Variants in PIK3R6 observed in about 807,000 individuals in gnomAD.
The protein encoded by PIK3R6 is phosphoinositide 3-kinase regulatory subunit 6.
A neutral mutation model predicts 84.9 loss-of-function variants in PIK3R6; 91 were observed. That is an observed-to-expected ratio of 1.07 (90% CI 0.90 to 1.28). PIK3R6 has a LOEUF of 1.28. Among genes scored for constraint, PIK3R6 ranks in the 50% most tolerant of loss-of-function variants. PIK3R6 has a pLI of 0.00. For missense variants in PIK3R6, 996 were observed against 985.1 expected (o/e 1.01, Z -0.15); for synonymous variants, 416 against 411.4 (o/e 1.01, Z -0.13).
intron 18 of PIK3R6, among the ~76,000 whole-genome samples, chr17:8,812,825 T>G (rs991786092): frequency 6.6e-6 from 1 of 152,090 alleles, no homozygotes; most frequent in Non-Finnish European, 1.5e-5. Context: ...AATAACCTAA[T>G]GTTGCATGTC....
intron 1 of PIK3R6, among the ~76,000 whole-genome samples, chr17:8,864,603 T>A (rs2089363111): frequency 7.6e-6 from 1 of 130,738 alleles, no homozygotes; most frequent in South Asian, 2.8e-4. Context: ...AGTGGCGCAA[T>A]CTCGTCTCAC....
intron 2 of PIK3R6, among the ~76,000 whole-genome samples, chr17:8,841,928 A>G (rs541157081): frequency 1.3e-5 from 2 of 152,302 alleles, no homozygotes; most frequent in South Asian, 2.1e-4. Context: ...TGTTAGGGTC[A>G]TGGTGGTGGA....
intron 10 of PIK3R6, among the ~76,000 whole-genome samples, chr17:8,829,257 A>G (rs1433624427): frequency 7.0e-6 from 1 of 143,414 alleles, no homozygotes; most frequent in Admixed American, 6.9e-5. Context: ...ATGCACGCAT[A>G]CACACACAGA....
In PIK3R6 at chr17:8,844,682, A is replaced by C. The variant is rs1169269346; in HGVS notation, c.14-4985T>G. On this transcript the variant is annotated intron_variant, in intron 2 of 19. Transcript: ENST00000619866. The surrounding 1 kb of genome is among the most constrained non-coding windows in gnomAD (Gnocchi z 4.5). The stretch of plus-strand genomic sequence containing the variant: ...GTACATGTGCAGGTTTGTTACCCGG[A>C]TATATTGCTTGATGCTGAGGTTTGT... 6.6e-6 allele frequency among the ~76,000 whole-genome samples: 1 copy of C among 151,776 alleles called. No homozygotes were observed. The highest frequency in any genetic ancestry group is 2.4e-5 in the African/African-American group (1 of 41,308).
chr17:8,830,721 C>G (rs144771853), intron 9 of PIK3R6, among the ~76,000 whole-genome samples: 1 of 152,174 alleles, frequency 6.6e-6, no homozygotes, highest in Non-Finnish European at 1.5e-5. Context: ...AGTACAGTGA[C>G]GACTTGAGCC....
chr17:8,803,916 C>A lies in PIK3R6; in HGVS notation c.2108+125G>T. 1.2e-6 allele frequency: 1 copy of A among 818,560 alleles called. No homozygotes were observed. The highest frequency in any genetic ancestry group is 1.6e-5 in the South Asian group (1 of 61,034). 50.7% of individuals were successfully genotyped at this position (818,560 alleles called of 1,614,324 possible). A position where few individuals can be genotyped will look rare whatever the true frequency, so the allele number is the denominator to read the frequency against. On this transcript the variant is annotated intron_variant, in intron 19 of 19. Coordinates refer to ENST00000619866, the MANE Select transcript of PIK3R6 (RefSeq NM_001010855.4). The surrounding 1 kb of genome is among the most constrained non-coding windows in gnomAD (Gnocchi z 5.0). ...TGTCCATCCTCACCAAGGTTACCTG[C>A]CTGGCCACAGGATCTACCTCCGATG...
chr17:8,863,177 T>C (rs189762335), intron 1 of PIK3R6, among the ~76,000 whole-genome samples: 32 of 152,254 alleles, frequency 2.1e-4, no homozygotes, highest in African/African-American at 7.0e-4. Context: ...TAGATATAGA[T>C]ACATGGATAT....
chr17:8,838,533 C>T lies in PIK3R6; in HGVS notation c.189+31G>A, dbSNP rs1366146888. 9 of 1,562,670 alleles carry T rather than the reference C, an allele frequency of 5.8e-6. No individual in the cohort carries two copies. In the African/African-American group the frequency reaches 1.2e-4, roughly 21 times the overall value. ...ATTGGCCCCTCTCTTCCTTTCATCC[C>T]CGTCTTCCTCCCTGAGGTCCAGGAA... On this transcript the variant is annotated intron_variant, in intron 4 of 19. Transcript: ENST00000619866.
chr17:8,836,942 G>C lies in PIK3R6; in HGVS notation c.259-19C>G. 1.3e-6 allele frequency: 2 copies of C among 1,539,328 alleles called. No homozygotes were observed. The highest frequency in any genetic ancestry group is 2.8e-5 in the African/African-American group (2 of 72,674). On this transcript the variant is annotated intron_variant, in intron 5 of 19. Coordinates refer to ENST00000619866, the MANE Select transcript of PIK3R6 (RefSeq NM_001010855.4). ...CTGTGGCCTGGGTGAGAGGGAGGAG[G>C]GGGAGGTGAGAGGGAGGAGGTGGAG...
chr17:8,843,947 G>T (rs908031587), intron 2 of PIK3R6, among the ~76,000 whole-genome samples: 3 of 152,154 alleles, frequency 2.0e-5, no homozygotes, highest in Non-Finnish European at 4.4e-5. Context: ...CTAAAAAGGT[G>T]CAGAAGAAGG....
At position 8,812,204 on chromosome 17, in the gene PIK3R6, CA is replaced by C. The variant is rs563748361; in HGVS notation, c.1995+6878del. Among the ~76,000 whole-genome samples the C allele has an allele frequency of 5.0e-4, 76 of 152,322 alleles. 3 individuals are homozygous for C. The South Asian group carries it at 0.016, about 31-fold the overall frequency. Reference sequence around the variant, plus strand: ...ACAGGAAAGACCTACCCCCATGATTCAATTACCTCCAACTGGGTCCCTCCCA... The same window carrying C: ...ACAGGAAAGACCTACCCCCATGATTCATTACCTCCAACTGGGTCCCTCCCA... On this transcript the variant is annotated intron_variant, in intron 18 of 19. Transcript: ENST00000619866.
rs1466814771 is a variant in PIK3R6 at position 8,807,965 on chromosome 17, C to T, written c.1996-3812G>A. Among the ~76,000 whole-genome samples the T allele has an allele frequency of 2.6e-5, 4 of 152,096 alleles. No individual in the cohort carries two copies. In the East Asian group the frequency reaches 5.8e-4, roughly 22 times the overall value. On this transcript the variant is annotated intron_variant, in intron 18 of 19. Coordinates refer to ENST00000619866, the MANE Select transcript of PIK3R6 (RefSeq NM_001010855.4). Reference sequence around the variant, plus strand: ...TTTCCTGGTGTTAGCACTTAAAGTCCCAAGTCCAAGAAACCCCTTTAGTCC... The same window carrying T: ...TTTCCTGGTGTTAGCACTTAAAGTCTCAAGTCCAAGAAACCCCTTTAGTCC...
chr17:8,827,229 C>A lies in PIK3R6; in HGVS notation c.1458G>T (p.Pro486=). The A allele has an allele frequency of 1.3e-6, 2 of 1,599,840 alleles. No homozygotes were observed. Among genetic ancestry groups the A allele is most frequent in the Non-Finnish European group, 1.7e-6 (2 of 1,173,510 alleles). The part of the protein sequence containing the change: ...ELATFLGRVD[P]WYQSNVNTLC... ...GCGTGTTGACGTTGCTCTGGTACCA[C>A]GGGTCTACGCGGCCCAGGAACGTAG... is the stretch of plus-strand genomic sequence containing the variant. The change falls in exon 13 of 20, where the codon CCG becomes CCT. Residue 486 remains proline (P), a synonymous_variant. Coordinates refer to ENST00000619866, the MANE Select transcript of PIK3R6 (RefSeq NM_001010855.4).
Position 8,821,915 on chromosome 17 carries a change from G to T in PIK3R6, c.1810C>A (p.Arg604=). ...YQKALLSHRP[R]EVTVSLRATG... ...GCCCGCAGGGAAACGGTGACCTCTC[G>T]GGGCCGGTGGCTAAGCAAGGCCTGA... Residue 604 remains arginine, a synonymous_variant, in exon 17 of 20, where the codon CGA becomes AGA. Coordinates refer to ENST00000619866, the MANE Select transcript of PIK3R6 (RefSeq NM_001010855.4). The T allele has an allele frequency of 6.3e-7, 1 of 1,587,612 alleles. No homozygotes were observed. Among genetic ancestry groups the T allele is most frequent in the East Asian group, 2.3e-5 (1 of 43,640 alleles).
intron 5 of PIK3R6, among the ~76,000 whole-genome samples, chr17:8,837,168 T>C (rs2088502574): frequency 6.6e-6 from 1 of 152,146 alleles, no homozygotes; most frequent in South Asian, 2.1e-4. Flanking sequence ...AAAAATTCAT[T>C]GCATCAAGTT....
Position 8,833,060 on chromosome 17 carries a change from C to T in PIK3R6, c.646-15G>A. 3 of 1,560,598 alleles carry T rather than the reference C, an allele frequency of 1.9e-6. No homozygotes were observed. The highest frequency in any genetic ancestry group is 1.9e-5 in the Admixed American group (1 of 52,870). On this transcript the variant is annotated splice_polypyrimidine_tract_variant and intron_variant, in intron 8 of 19. Transcript: ENST00000619866. Reference sequence around the variant, plus strand: ...CGAGGGCTGGCCTGTTGGGGAGGGGCGTCAGAGCCTGGGTCTTGGCCCAGC... The same window carrying T: ...CGAGGGCTGGCCTGTTGGGGAGGGGTGTCAGAGCCTGGGTCTTGGCCCAGC...
chr17:8,847,067 T>C (rs2088831136), intron 2 of PIK3R6, among the ~76,000 whole-genome samples: 1 of 152,202 alleles, frequency 6.6e-6, no homozygotes, highest in Non-Finnish European at 1.5e-5. Flanking sequence ...CAGCTACTAT[T>C]CTCTGACTGA....
Position 8,829,789 on chromosome 17 carries a change from T to G in PIK3R6, c.806A>C (p.Asp269Ala). 1 of 1,550,534 alleles carries G rather than the reference T, an allele frequency of 6.4e-7. No homozygotes were observed. Among genetic ancestry groups the G allele is most frequent in the Non-Finnish European group, 8.7e-7 (1 of 1,146,706 alleles). Residue 269 changes from aspartate (D) to alanine (A), a missense_variant, in exon 10 of 20, where the codon GAC (aspartate) becomes GCC (alanine). Asp to Ala is a moderately radical substitution (Grantham distance 126). Transcript: ENST00000619866. ...GCTTGGTGGCCGCTCTTGGACAAGG[T>G]CACCTGCAGAAAGGAGCAGGCTGTG... is the stretch of plus-strand genomic sequence containing the variant. ...LGPAAGRCGGDLVQERPPSIP... is the reference protein window; with the variant it reads ...LGPAAGRCGGALVQERPPSIP...
chr17:8,837,845 G>A lies in PIK3R6; in HGVS notation c.216C>T (p.Val72=). Residue 72 remains valine, a synonymous_variant, in exon 5 of 20, where the codon GTC becomes GTT. Transcript: ENST00000619866. ...EKAESQDLRH[V]IIPLLHTVMY... is the part of the protein sequence containing the mutation. ...TTACAGTGTGCAGCAAGGGAATGAT[G>A]ACATGCCGGAGGTCCTGGCTTTCCG... The A allele has an allele frequency of 6.2e-7, 1 of 1,613,970 alleles. No homozygotes were observed. Among genetic ancestry groups the A allele is most frequent in the Admixed American group, 1.7e-5 (1 of 60,026 alleles).
Sources: allele counts gnomAD v4.1 joint callset (sites outside exome capture counted in the v4.1 genomes callset), GRCh38; gene constraint gnomAD v4.1.1; non-coding constraint Gnocchi (gnomAD v3.1); transcripts MANE v1.5; gene names NCBI Gene and HGNC (gene_info 2026-07-23, HGNC 2026-07-21).